Variants in GLS observed in about 807,000 individuals in gnomAD.
The protein encoded by GLS is glutaminase kidney isoform, mitochondrial.
In GLS, 36 loss-of-function variants were observed where a neutral mutation model predicts 86.7. The observed-to-expected ratio is 0.42, with a 90% CI of 0.32 to 0.55. The LOEUF is 0.55. GLS is among the 20% of genes least tolerant of loss of function. The pLI, the probability that GLS is intolerant of heterozygous loss-of-function variation, is 0.17. For synonymous variants in GLS, 317 were observed against 305.9 expected, an observed-to-expected ratio of 1.04 and a Z score of -0.38; for missense variants, 528 against 833.4, an observed-to-expected ratio of 0.63 and a Z score of 4.51.
Position 190,942,067 on chromosome 2 carries a change from C to CTTTTTTTTTTTTTTTTTTTTTTTTTTTT in GLS, c.1650+10433_1650+10460dup, listed in dbSNP as rs3036653. 1.1e-4 allele frequency among the ~76,000 whole-genome samples: 4 copies of CTTTTTTTTTTTTTTTTTTTTTTTTTTTT among 38,054 alleles called. 1 individual carries two copies. The highest frequency in any genetic ancestry group is 2.3e-4 in the Non-Finnish European group (4 of 17,202). The allele number at this position is 38,054 out of a possible 152,430, so 25.0% of individuals were successfully genotyped here. Reference sequence around the variant, plus strand: ...AGAGTTTAGTGTGAAACTTTGAAGACTTTTTTTTTTTTTTTTTTTTTTTTT... The same window carrying CTTTTTTTTTTTTTTTTTTTTTTTTTTTT: ...AGAGTTTAGTGTGAAACTTTGAAGACTTTTTTTTTTTTTTTTTTTTTTTTTTTTTTTTTTTTTTTTTTTTTTTTTTTTT... On this transcript the variant is annotated intron_variant, in intron 14 of 17. Transcript: ENST00000320717.
At chr2:190,881,809 C>T in intron 1 of GLS, 1 of 219,976 alleles carries the variant, frequency 4.5e-6, no homozygotes, top group South Asian at 1.2e-4. Flanking sequence ...CCCTGGCTTG[C>T]GGCTGCAGCG....
rs1396592433 is a variant in GLS at position 190,947,055 on chromosome 2, G to A, written c.1651-6510G>A. 6.6e-6 allele frequency among the ~76,000 whole-genome samples: 1 copy of A among 152,166 alleles called. No homozygotes were observed. Among genetic ancestry groups the A allele is most frequent in the Non-Finnish European group, 1.5e-5 (1 of 68,030 alleles). On this transcript the variant is annotated intron_variant, in intron 14 of 17. Transcript: ENST00000320717. This position sits in a 1 kb window ranked among gnomAD's most constrained non-coding sequence, Gnocchi z 5.0. ...ACTATAACTGTTTAAAATGTTGAATGTTTTAGGGTCATCCACTATATAAAT... is the reference window on the plus strand; with the variant it reads ...ACTATAACTGTTTAAAATGTTGAATATTTTAGGGTCATCCACTATATAAAT...
chr2:190,921,295 T>C lies in GLS; in HGVS notation c.1130+92T>C. The C allele has an allele frequency of 1.1e-6, 1 of 888,778 alleles. No individual in the cohort carries two copies. The highest frequency in any genetic ancestry group is 1.9e-6 in the Non-Finnish European group (1 of 536,046). 55.1% of individuals were successfully genotyped at this position (888,778 alleles called of 1,614,324 possible). A position where few individuals can be genotyped will look rare whatever the true frequency, so the allele number is the denominator to read the frequency against. ...CTTTTCATTGGAGGGAAATGAATGATTTCTAAATTACCTGACAGAAACACT... is the reference window on the plus strand; with the variant it reads ...CTTTTCATTGGAGGGAAATGAATGACTTCTAAATTACCTGACAGAAACACT... On this transcript the variant is annotated intron_variant, in intron 9 of 17. Coordinates refer to ENST00000320717, the MANE Select transcript of GLS (RefSeq NM_014905.5). This position sits in a 1 kb window ranked among gnomAD's most constrained non-coding sequence, Gnocchi z 4.2.
In GLS at chr2:190,929,525, AGTGGTGCGAT is replaced by A. The variant is rs1458903292; in HGVS notation, c.1426-911_1426-902del. On this transcript the variant is annotated intron_variant, in intron 12 of 17. Coordinates refer to ENST00000320717, the MANE Select transcript of GLS (RefSeq NM_014905.5). ...TGCTTCGTCACCCAGGCTGGAGTGC[AGTGGTGCGAT>A]CTTGGCTCACTGCAACCTCTGCCTC... Among the ~76,000 whole-genome samples the A allele has an allele frequency of 3.3e-5, 5 of 151,368 alleles. No individual in the cohort carries two copies. In the East Asian group the frequency reaches 7.8e-4, roughly 24 times the overall value.
rs192338769 is a variant in GLS at position 190,929,573 on chromosome 2, G to A, written c.1426-864G>A. Among the ~76,000 whole-genome samples the A allele has an allele frequency of 0.013, 2,004 of 150,348 alleles. 107 individuals are homozygous for A. The East Asian group carries it at 0.15, about 11-fold the overall frequency. On this transcript the variant is annotated intron_variant, in intron 12 of 17. Coordinates refer to ENST00000320717, the MANE Select transcript of GLS (RefSeq NM_014905.5). The stretch of plus-strand genomic sequence containing the variant: ...CAACCTCTGCCTCCCAGGTTCAAGC[G>A]ATTCTCCTGCCGCAGCCTCCCGAGT...
chr2:190,917,998 C>A (rs1003627525), intron 7 of GLS, among the ~76,000 whole-genome samples: 31 of 152,138 alleles, frequency 2.0e-4, no homozygotes, highest in Non-Finnish European at 3.2e-4. Context: ...AGGTTGTAAA[C>A]CGATGTGGTC....
intron 7 of GLS, among the ~76,000 whole-genome samples, chr2:190,915,345 A>T (rs2124880700): frequency 6.6e-6 from 1 of 152,118 alleles, no homozygotes; most frequent in East Asian, 1.9e-4. Flanking sequence ...TACCCTTTTC[A>T]AACAACCCAT....
rs777804840 is a variant in GLS, at chr2:190,881,121, C to G, written c.37C>G (p.Leu13Val). ...RLRGSGMLRD[L>V]LLRSPAGVSA... is the part of the protein sequence containing the mutation. ...GCGAGGCTCGGGGATGCTGCGGGAC[C>G]TGCTCCTGCGGTCGCCCGCCGGCGT... is the stretch of plus-strand genomic sequence containing the variant. Residue 13 changes from leucine to valine, a missense_variant, in exon 1 of 18, where the codon CTG becomes GTG. Coordinates refer to ENST00000320717, the MANE Select transcript of GLS (RefSeq NM_014905.5). The G allele has an allele frequency of 5.2e-5, 81 of 1,561,066 alleles. No homozygotes were observed. The highest frequency in any genetic ancestry group is 5.5e-5 in the Admixed American group (3 of 54,542).
intron 1 of GLS, among the ~76,000 whole-genome samples, chr2:190,889,308 A>C (rs1257541935): frequency 6.6e-6 from 1 of 151,968 alleles, no homozygotes; most frequent in Admixed American, 6.6e-5. Flanking sequence ...GATCTTACAA[A>C]CCCTTCTCCC....
rs750847928 is a variant in GLS at position 190,927,270 on chromosome 2, A to G, written c.1249-36A>G. The G allele has an allele frequency of 3.4e-6, 5 of 1,486,852 alleles. No homozygotes were observed. The South Asian group carries it at 6.2e-5, about 18-fold the overall frequency. The allele number at this position is 1,486,852 out of a possible 1,614,324, so 92.1% of individuals were successfully genotyped here. A position where few individuals can be genotyped will look rare whatever the true frequency, so the allele number is the denominator to read the frequency against. ...TCTTAAAAGTGAACAGTAATATTAA[A>G]AGTAGTATGAGAATTCTGCTTTTTC... On this transcript the variant is annotated intron_variant, in intron 11 of 17. Coordinates refer to ENST00000320717, the MANE Select transcript of GLS (RefSeq NM_014905.5).
In GLS at chr2:190,902,215, T is replaced by C. The variant is rs562284233; in HGVS notation, c.815+189T>C. ...CAAACAGTAACATTATATTAAGTTT[T>C]ATGAGACATCTATTTTATTCACAGT... On this transcript the variant is annotated intron_variant, in intron 5 of 17. Transcript: ENST00000320717. 2.6e-5 allele frequency among the ~76,000 whole-genome samples: 4 copies of C among 152,304 alleles called. No homozygotes were observed. The East Asian group carries it at 7.7e-4, about 29-fold the overall frequency.
intron 1 of GLS, among the ~76,000 whole-genome samples, chr2:190,893,201 G>T (rs1688621288): frequency 6.6e-6 from 1 of 152,156 alleles, no homozygotes; most frequent in South Asian, 2.1e-4. Flanking sequence ...ATGGTATTAG[G>T]TCAGGATAAG....
At chr2:190,907,076 C>T in intron 6 of GLS, among the ~76,000 whole-genome samples, 1 of 151,698 alleles carries the variant, frequency 6.6e-6, no homozygotes, top group Admixed American at 6.6e-5. Context: ...AGGCACCCGC[C>T]AGCACGCCTG....
Position 190,943,983 on chromosome 2 carries a change from T to C in GLS, c.1651-9582T>C, listed in dbSNP as rs984610. Among the ~76,000 whole-genome samples, 69,922 of 152,048 alleles carry C rather than the reference T, an allele frequency of 0.46. 19,104 individuals are homozygous for C. The highest frequency in any genetic ancestry group is 0.62 in the Non-Finnish European group (41,994 of 67,948). On this transcript the variant is annotated intron_variant, in intron 14 of 17. Transcript: ENST00000320717. This position sits in a 1 kb window ranked among gnomAD's most constrained non-coding sequence, Gnocchi z 4.5. ...AAACTCAAGTCCATGTGCCTGGCTT[T>C]GTTATAGTAGCAGGATTTGAGGCAT...
rs149958463 is a variant in GLS at position 190,903,804 on chromosome 2, T to G, written c.816-1200T>G. 3.3e-5 allele frequency among the ~76,000 whole-genome samples: 5 copies of G among 152,280 alleles called. No individual in the cohort carries two copies. The East Asian group carries it at 9.6e-4, about 29-fold the overall frequency. ...ATAGTATAACTATATAGTTTAAGATTATAGTTACACATGAATAAATTTGAT... is the reference window on the plus strand; with the variant it reads ...ATAGTATAACTATATAGTTTAAGATGATAGTTACACATGAATAAATTTGAT... On this transcript the variant is annotated intron_variant, in intron 5 of 17. Transcript: ENST00000320717.
At chr2:190,883,994 AC>A (rs1688293865) in intron 1 of GLS, among the ~76,000 whole-genome samples, 1 of 152,252 alleles carries the variant, frequency 6.6e-6, no homozygotes, top group Admixed American at 6.5e-5. Flanking sequence ...GGTTTAGGAT[AC>A]GAACGTCTTA....
chr2:190,907,187 G>A (rs113075496), intron 6 of GLS, among the ~76,000 whole-genome samples: 9 of 151,572 alleles, frequency 5.9e-5, no homozygotes, highest in African/African-American at 2.2e-4. Flanking sequence ...GCCTCCCAAA[G>A]TGCTGGGATT....
rs1224582599 is a variant in GLS at position 190,898,035 on chromosome 2, A to G, written c.605+2310A>G. Among the ~76,000 whole-genome samples the G allele has an allele frequency of 2.6e-5, 4 of 152,192 alleles. No individual in the cohort carries two copies. The East Asian group carries it at 7.7e-4, about 29-fold the overall frequency. ...GCTAGTAAATCTTAACACTAATACA[A>G]GTAAAAATATTTGTGTGGAAAACTA... On this transcript the variant is annotated intron_variant, in intron 3 of 17. Transcript: ENST00000320717.
chr2:190,933,486 T>C (rs1047502491), intron 14 of GLS: 2 of 890,502 alleles, frequency 2.2e-6, no homozygotes, highest in Non-Finnish European at 2.7e-6. Context: ...GACTCCTACT[T>C]TTTTTATTTT....
Sources: allele counts gnomAD v4.1 joint callset (sites outside exome capture counted in the v4.1 genomes callset), GRCh38; gene constraint gnomAD v4.1.1; non-coding constraint Gnocchi (gnomAD v3.1); transcripts MANE v1.5; gene names NCBI Gene and HGNC (gene_info 2026-07-23, HGNC 2026-07-21).